The following PCDHGB7 variants were observed in gnomAD, a reference collection of about 807,000 sequenced individuals.
PCDHGB7 encodes protocadherin gamma-B7.
A neutral mutation model predicts 61.4 loss-of-function variants in PCDHGB7; 37 were observed. The observed-to-expected ratio is 0.60, with a 90% CI of 0.46 to 0.79. The LOEUF (loss-of-function observed/expected upper bound fraction) is 0.79. Among genes scored for constraint, PCDHGB7 ranks in the 30% least tolerant of loss-of-function variants. The pLI, the probability that PCDHGB7 is intolerant of heterozygous loss-of-function variation, is 0.00. For missense variants in PCDHGB7, 1,166 were observed against 1,202.5 expected, an observed-to-expected ratio of 0.97 and a Z score of 0.45; for synonymous variants, 464 against 503.5, an observed-to-expected ratio of 0.92 and a Z score of 1.05.
intron 1 of PCDHGB7, among the ~76,000 whole-genome samples, chr5:141,451,073 C>A (rs1346074089): frequency 6.6e-6 from 1 of 151,958 alleles, no homozygotes; most frequent in Non-Finnish European, 1.5e-5. Flanking sequence ...TGTGATCCAC[C>A]CACCTTGACC....
In PCDHGB7 at chr5:141,477,605, T is replaced by A. The variant is rs1339408637; in HGVS notation, c.2416-17202T>A. On this transcript the variant is annotated intron_variant, in intron 1 of 3. Transcript: ENST00000398594. This position sits in a 1 kb window ranked among gnomAD's most constrained non-coding sequence, Gnocchi z 4.9. ...GAATGCTCGGCTTTCTTTCTTTCTCTTGGAGCAAGGAGCTGAAACCGGGCT... is the reference window on the plus strand; with the variant it reads ...GAATGCTCGGCTTTCTTTCTTTCTCATGGAGCAAGGAGCTGAAACCGGGCT... The A allele has an allele frequency of 6.2e-6, 10 of 1,614,102 alleles. No individual in the cohort carries two copies. In the South Asian group the frequency reaches 1.1e-4, roughly 18 times the overall value.
At chr5:141,473,212 C>G (rs1311953997) in intron 1 of PCDHGB7, among the ~76,000 whole-genome samples, 1 of 152,012 alleles carries the variant, frequency 6.6e-6, no homozygotes, top group Non-Finnish European at 1.5e-5. Flanking sequence ...AAAATGCTTA[C>G]TTCCAGGGAG....
rs1188870363 is a variant in PCDHGB7 at position 141,490,058 on chromosome 5, C to T, written c.2416-4749C>T. ...AATGCCACTGATCCAGACGAGGGCA[C>T]CAACGGCCAACTAGACTATTCTTTT... On this transcript the variant is annotated intron_variant, in intron 1 of 3. Coordinates refer to ENST00000398594, the MANE Select transcript of PCDHGB7 (RefSeq NM_018927.4). The surrounding 1 kb of genome is among the most constrained non-coding windows in gnomAD (Gnocchi z 5.4). The T allele has an allele frequency of 6.2e-7, 1 of 1,614,230 alleles. No individual in the cohort carries two copies. Among genetic ancestry groups the T allele is most frequent in the South Asian group, 1.1e-5 (1 of 91,084 alleles).
rs772659046 is a variant in PCDHGB7 at position 141,426,970 on chromosome 5, A to C, written c.2415+6696A>C. On this transcript the variant is annotated intron_variant, in intron 1 of 3. Coordinates refer to ENST00000398594, the MANE Select transcript of PCDHGB7 (RefSeq NM_018927.4). Reference sequence around the variant, plus strand: ...ACTGGCACTGCTGCAATTCAAATTGAGGTCACTGATGCCAACGATAATGCC... The same window carrying C: ...ACTGGCACTGCTGCAATTCAAATTGCGGTCACTGATGCCAACGATAATGCC... 72 of 456,624 alleles carry C rather than the reference A, an allele frequency of 1.6e-4. No homozygotes were observed. In the Middle Eastern group the frequency reaches 1.6e-3, roughly 10 times the overall value. The allele number at this position is 456,624 out of a possible 1,614,324, so 28.3% of individuals were successfully genotyped here. A position where few individuals can be genotyped will look rare whatever the true frequency, so the allele number is the denominator to read the frequency against.
intron 1 of PCDHGB7, chr5:141,427,868 C>T (rs1311930991): frequency 4.5e-6 from 7 of 1,559,298 alleles, no homozygotes; most frequent in African/African-American, 2.7e-5. Context: ...CCTTCGAGCT[C>T]ACGATGCAGG....
intron 1 of PCDHGB7, among the ~76,000 whole-genome samples, chr5:141,456,733 G>A (rs1186997201): frequency 6.6e-6 from 1 of 152,182 alleles, no homozygotes; most frequent in Non-Finnish European, 1.5e-5. Context: ...GGGAGGCTGA[G>A]GCGGGAGCAT....
chr5:141,424,169 A>G (rs542346399), intron 1 of PCDHGB7: 20 of 225,850 alleles, frequency 8.9e-5, no homozygotes, highest in Middle Eastern at 2.3e-3. Context: ...TCATCTATCT[A>G]TCTATACACA....
At chr5:141,474,606 T>C (rs1156236978) in intron 1 of PCDHGB7, among the ~76,000 whole-genome samples, 1 of 152,242 alleles carries the variant, frequency 6.6e-6, no homozygotes, top group Non-Finnish European at 1.5e-5. Context: ...ATAGGTCACA[T>C]ATGGCTTTTC....
chr5:141,478,164 C>T, intron 1 of PCDHGB7: 1 of 1,614,010 alleles, frequency 6.2e-7, no homozygotes, highest in Non-Finnish European at 8.5e-7. Context: ...GGCTCTGCCC[C>T]CCGGGAGCAG....
At chr5:141,498,520 A>T (rs1178141390) in intron 2 of PCDHGB7, among the ~76,000 whole-genome samples, 1 of 149,264 alleles carries the variant, frequency 6.7e-6, no homozygotes, top group Non-Finnish European at 1.5e-5. Flanking sequence ...CATCTTGCCC[A>T]CTGCCCTCCA....
rs1320881856 is a variant in PCDHGB7, at chr5:141,418,113, T to C, written c.254T>C (p.Leu85Pro). Reference sequence around the variant, plus strand: ...GTAGACGCGCAGAGCGGGGACTTACTTGTGAAGGACCGAATAGACCGTGAG... The same window carrying C: ...GTAGACGCGCAGAGCGGGGACTTACCTGTGAAGGACCGAATAGACCGTGAG... ...FSVDAQSGDL[L>P]VKDRIDREQI... Residue 85 changes from leucine to proline, a missense_variant, in exon 1 of 4, where the codon CTT (leucine) becomes CCT (proline). Leu to Pro is a moderately conservative substitution (Grantham distance 98). Transcript: ENST00000398594. 3.1e-6 allele frequency: 5 copies of C among 1,613,912 alleles called. No individual in the cohort carries two copies. Among genetic ancestry groups the C allele is most frequent in the Non-Finnish European group, 3.4e-6 (4 of 1,179,910 alleles).
rs200545713 is a variant in PCDHGB7 at position 141,422,296 on chromosome 5, A to G, written c.2415+2022A>G. 133 of 1,550,704 alleles carry G rather than the reference A, an allele frequency of 8.6e-5. 1 individual carries two copies. The Admixed American group carries it at 2.1e-3, about 25-fold the overall frequency. ...AACTATCACCTCTTCTATTAATTCAATTCTGGAAAACTCTCCTCCAGGTAC... is the reference window on the plus strand; with the variant it reads ...AACTATCACCTCTTCTATTAATTCAGTTCTGGAAAACTCTCCTCCAGGTAC... On this transcript the variant is annotated intron_variant, in intron 1 of 3. Transcript: ENST00000398594.
intron 1 of PCDHGB7, among the ~76,000 whole-genome samples, chr5:141,445,554 C>T (rs898901856): frequency 3.3e-5 from 5 of 152,102 alleles, no homozygotes; most frequent in African/African-American, 1.2e-4. Context: ...TACAAAAGCA[C>T]TAAGAGAAAG....
rs780077182 is a variant in PCDHGB7 at position 141,419,617 on chromosome 5, C to T, written c.1758C>T (p.Tyr586=). 1.2e-6 allele frequency: 2 copies of T among 1,612,280 alleles called. No homozygotes were observed. Among genetic ancestry groups the T allele is most frequent in the South Asian group, 2.2e-5 (2 of 91,000 alleles). Residue 586 remains tyrosine, a synonymous_variant, in exon 1 of 4, where the codon TAC becomes TAT. Coordinates refer to ENST00000398594, the MANE Select transcript of PCDHGB7 (RefSeq NM_018927.4). ...TGCCGCGGGCCGCGCAGCCAGGCTACCTGGTGACCAAGGTGGTGGCCGTGG... is the reference window on the plus strand; with the variant it reads ...TGCCGCGGGCCGCGCAGCCAGGCTATCTGGTGACCAAGGTGGTGGCCGTGG... ...DTVPRAAQPG[Y]LVTKVVAVDA...
intron 1 of PCDHGB7, among the ~76,000 whole-genome samples, chr5:141,444,880 G>A (rs527554886): frequency 6.6e-6 from 1 of 152,150 alleles, no homozygotes; most frequent in Non-Finnish European, 1.5e-5. Context: ...AAGCTTGTAG[G>A]ATTTTTGAAT....
At chr5:141,443,467 C>T (rs2098389901) in intron 1 of PCDHGB7, among the ~76,000 whole-genome samples, 2 of 152,156 alleles carry the variant, frequency 1.3e-5, no homozygotes, top group African/African-American at 4.8e-5. Context: ...GTCTGGGTGA[C>T]AGAATTAGAC....
Position 141,476,793 on chromosome 5 carries a change from C to T in PCDHGB7, c.2416-18014C>T, listed in dbSNP as rs754785656. ...GACGGAGGGACCCCAGCTCTCTCCG[C>T]CAGCCTGCCTATTCACATCAAGGTG... On this transcript the variant is annotated intron_variant, in intron 1 of 3. Transcript: ENST00000398594. The surrounding 1 kb of genome is among the most constrained non-coding windows in gnomAD (Gnocchi z 7.6). 1.2e-6 allele frequency: 2 copies of T among 1,613,642 alleles called. No homozygotes were observed. The highest frequency in any genetic ancestry group is 2.2e-5 in the East Asian group (1 of 44,868).
chr5:141,417,887 C>T lies in PCDHGB7; in HGVS notation c.28C>T (p.Arg10Trp). MGGSCAQRR[R>W]AGPRQVLFPL... ...GGGAGGGAGCTGCGCGCAGAGGCGCCGGGCCGGCCCGCGGCAGGTACTATT... is the reference window on the plus strand; with the variant it reads ...GGGAGGGAGCTGCGCGCAGAGGCGCTGGGCCGGCCCGCGGCAGGTACTATT... The change falls in exon 1 of 4, where the codon CGG becomes TGG. Residue 10 changes from arginine (R) to tryptophan (W), a missense_variant. By Grantham distance (101) the Arg-to-Trp change is moderately radical. Coordinates refer to ENST00000398594, the MANE Select transcript of PCDHGB7 (RefSeq NM_018927.4). 1.3e-6 allele frequency: 2 copies of T among 1,564,888 alleles called. No individual in the cohort carries two copies. The highest frequency in any genetic ancestry group is 1.7e-6 in the Non-Finnish European group (2 of 1,154,224).
At chr5:141,427,692 C>A in intron 1 of PCDHGB7, 1 of 903,150 alleles carries the variant, frequency 1.1e-6, no homozygotes, top group Non-Finnish European at 1.8e-6. Context: ...AGCCTCCATC[C>A]CACAAGTCAG....
Sources: allele counts gnomAD v4.1 joint callset (sites outside exome capture counted in the v4.1 genomes callset), GRCh38; gene constraint gnomAD v4.1.1; non-coding constraint Gnocchi (gnomAD v3.1); transcripts MANE v1.5; gene names NCBI Gene and HGNC (gene_info 2026-07-23, HGNC 2026-07-21).